The following TCF20 variants were observed in gnomAD, a reference collection of about 807,000 sequenced individuals.
The protein encoded by TCF20 is SPRE-binding protein.
TCF20 carries 3 observed loss-of-function variants against 148.6 expected under a neutral mutation model. The ratio of observed to expected loss-of-function variants is 0.02; its 90% CI spans 0.01 to 0.05. TCF20 has a LOEUF of 0.05. Among genes scored for constraint, TCF20 ranks in the 10% least tolerant of loss-of-function variants. TCF20 has a pLI of 1.00. For missense variants in TCF20, 2,350 were observed against 2,429.3 expected (o/e 0.97, Z 0.69); for synonymous variants, 1,049 against 909.5 (o/e 1.15, Z -2.76).
chr22:42,211,970 T>G lies in TCF20; in HGVS notation c.3336A>C (p.Ala1112=). ...TCCGTGGCCCCTCCTGCCTGTGCTG[T>G]GCTGCAGCAATTACTCCCTGAGCAG... ...SGSAQGVIAA[A]QHRQEGPRKS... Residue 1112 remains alanine, a synonymous_variant, in exon 2 of 6, where the codon GCA becomes GCC. Transcript: ENST00000677622. 6.2e-7 allele frequency: 1 copy of G among 1,614,206 alleles called. No homozygotes were observed.
At chr22:42,264,270 G>A (rs888653303) in intron 1 of TCF20, among the ~76,000 whole-genome samples, 1 of 149,850 alleles carries the variant, frequency 6.7e-6, no homozygotes, top group Non-Finnish European at 1.5e-5. Flanking sequence ...GTGGGGCGGG[G>A]GCGGGGCGGG....
rs1947906877 is a variant in TCF20 at position 42,209,940 on chromosome 22, C to T, written c.5366G>A (p.Arg1789His). 7.4e-6 allele frequency: 12 copies of T among 1,613,846 alleles called. No homozygotes were observed. The highest frequency in any genetic ancestry group is 2.7e-5 in the African/African-American group (2 of 74,880). Reference sequence around the variant, plus strand: ...TCCACCACAGTCTTCCGAGCGGTGGCGCCGCTTAAACCTGGGGTGTGCGGC... The same window carrying T: ...TCCACCACAGTCTTCCGAGCGGTGGTGCCGCTTAAACCTGGGGTGTGCGGC... ...SLAAHPRFKR[R>H]HRSEDCGGGP... The change falls in exon 2 of 6, where the codon CGC becomes CAC. Residue 1789 changes from arginine to histidine, a missense_variant. Arg to His is a conservative substitution (Grantham distance 29). Transcript: ENST00000677622.
At position 42,181,498 on chromosome 22, in the gene TCF20, AGTGAGTG is replaced by A. The variant is rs1936770437; in HGVS notation, c.5656-1803_5656-1797del. On this transcript the variant is annotated intron_variant, in intron 2 of 5. Transcript: ENST00000677622. ...CTCCCTACCCTGGGGGATGAATCACAGTGAGTGGTGGCCATTTAGGAATGGGTATGGT... is the reference window on the plus strand; with the variant it reads ...CTCCCTACCCTGGGGGATGAATCACAGTGGCCATTTAGGAATGGGTATGGT... Among the ~76,000 whole-genome samples the A allele has an allele frequency of 4.6e-5, 7 of 152,020 alleles. No homozygotes were observed. In the South Asian group the frequency reaches 1.3e-3, roughly 27 times the overall value.
intron 1 of TCF20, among the ~76,000 whole-genome samples, chr22:42,263,614 C>T (rs533401577): frequency 1.2e-4 from 19 of 152,278 alleles, no homozygotes; most frequent in African/African-American, 3.9e-4. Flanking sequence ...CTCCATGTCA[C>T]CTATTTTGGA....
At chr22:42,318,443 G>A (rs1272199191) in intron 1 of TCF20, among the ~76,000 whole-genome samples, 1 of 152,208 alleles carries the variant, frequency 6.6e-6, no homozygotes, top group Admixed American at 6.5e-5. Context: ...GGAGGAGGGA[G>A]GAGTGCGGCG....
upstream of TCF20, among the ~76,000 whole-genome samples, chr22:42,287,420 C>A (rs1228245667): frequency 1.3e-5 from 2 of 152,224 alleles, no homozygotes; most frequent in Non-Finnish European, 2.9e-5. Flanking sequence ...AAGAGCAGAG[C>A]TAGAGTTCCA....
rs1227812486 is a variant in TCF20 at position 42,279,275 on chromosome 22, C to T, written c.-37+4552G>A. Among the ~76,000 whole-genome samples, 2 of 152,050 alleles carry T rather than the reference C, an allele frequency of 1.3e-5. No individual in the cohort carries two copies. The highest frequency in any genetic ancestry group is 2.1e-4 in the South Asian group (1 of 4,826). On this transcript the variant is annotated intron_variant, in intron 1 of 5. Transcript: ENST00000359486. The surrounding 1 kb of genome is among the most constrained non-coding windows in gnomAD (Gnocchi z 4.3). ...GTCCCAGCACTTTGGGAGGCTGAGGCGGGCGGATCACCTGAGGTCAGGAGT... is the reference window on the plus strand; with the variant it reads ...GTCCCAGCACTTTGGGAGGCTGAGGTGGGCGGATCACCTGAGGTCAGGAGT...
intron 1 of TCF20, among the ~76,000 whole-genome samples, chr22:42,256,211 T>C (rs1254024830): frequency 6.6e-6 from 1 of 152,206 alleles, no homozygotes; most frequent in Non-Finnish European, 1.5e-5. Context: ...TTATCAATCA[T>C]TCATACGTTT....
intron 1 of TCF20, among the ~76,000 whole-genome samples, chr22:42,255,388 C>T (rs1299708094): frequency 6.6e-6 from 1 of 151,946 alleles, no homozygotes; most frequent in African/African-American, 2.4e-5. Flanking sequence ...AGTTGGGAGG[C>T]TAAGGCAGGG....
intron 1 of TCF20, among the ~76,000 whole-genome samples, chr22:42,280,492 G>T (rs1926878273): frequency 6.6e-6 from 1 of 152,214 alleles, no homozygotes; most frequent in African/African-American, 2.4e-5. Context: ...AATCTCTGGG[G>T]CTTTTCCCTG....
chr22:42,295,140 A>G (rs1163203332), intron 1 of TCF20, among the ~76,000 whole-genome samples: 1 of 152,190 alleles, frequency 6.6e-6, no homozygotes, highest in East Asian at 1.9e-4. Context: ...AGGGTGACAC[A>G]GTCTGGTCCC....
chr22:42,274,901 A>G (rs974398727), upstream of TCF20: 1 of 152,326 alleles, frequency 6.6e-6, no homozygotes, highest in African/African-American at 2.4e-5. Context: ...TGAACCAGGC[A>G]CTATGCAGAT....
At chr22:42,283,329 G>A (rs968478718) in intron 1 of TCF20, among the ~76,000 whole-genome samples, 1 of 151,996 alleles carries the variant, frequency 6.6e-6, no homozygotes, top group Non-Finnish European at 1.5e-5. Flanking sequence ...CCAACCCCCC[G>A]CCGCTCTGCA....
intron 2 of TCF20, among the ~76,000 whole-genome samples, chr22:42,193,065 G>T (rs941094681): frequency 6.6e-6 from 1 of 152,032 alleles, no homozygotes; most frequent in Non-Finnish European, 1.5e-5. Context: ...CATCTTCATA[G>T]ATATGGAAAT....
intron 1 of TCF20, among the ~76,000 whole-genome samples, chr22:42,325,889 A>C (rs1927866906): frequency 6.6e-6 from 1 of 152,196 alleles, no homozygotes; most frequent in Admixed American, 6.5e-5. Context: ...TTGCAGGATT[A>C]GCAGGGTTCA....
intron 1 of TCF20, among the ~76,000 whole-genome samples, chr22:42,264,884 A>G (rs1926201297): frequency 6.6e-6 from 1 of 152,252 alleles, no homozygotes; most frequent in Non-Finnish European, 1.5e-5. Context: ...CTTAATCCAC[A>G]TTCAGGGACA....
chr22:42,311,025 C>T (rs964145011), intron 1 of TCF20, among the ~76,000 whole-genome samples: 1 of 152,216 alleles, frequency 6.6e-6, no homozygotes, highest in Non-Finnish European at 1.5e-5. Flanking sequence ...ACTTAGGAAC[C>T]GTATGGCTGG....
chr22:42,165,432 A>G (rs933414284), intron 5 of TCF20, among the ~76,000 whole-genome samples: 2 of 152,208 alleles, frequency 1.3e-5, no homozygotes, highest in African/African-American at 4.8e-5. Flanking sequence ...AATTCACGAC[A>G]GGAGGAAGAG....
chr22:42,281,318 T>C lies in TCF20; in HGVS notation c.-37+2509A>G, dbSNP rs143432784. ...AGAACAAGCCAGCTTTGCAAGATCC[T>C]GAAAACGGGTCCAAAGAAGGCGAGT... On this transcript the variant is annotated intron_variant, in intron 1 of 5. Coordinates refer to the TCF20 transcript ENST00000359486. Among the ~76,000 whole-genome samples the C allele has an allele frequency of 2.1e-3, 322 of 152,320 alleles. 4 individuals carry two copies. The East Asian group carries it at 0.051, about 24-fold the overall frequency.
Sources: gnomAD v4.1 joint callset for allele counts (sites outside exome capture counted in the v4.1 genomes callset) on GRCh38, gnomAD v4.1.1 for gene constraint, Gnocchi (gnomAD v3.1) non-coding constraint, MANE v1.5 for transcripts, NCBI Gene and HGNC (gene_info 2026-07-23, HGNC 2026-07-21) for gene names.